The following HS2ST1 variants were observed in gnomAD, a reference collection of about 807,000 sequenced individuals.
The protein encoded by HS2ST1 is heparan sulfate 2-O-sulfotransferase 1.
Under a neutral mutation model 42.9 loss-of-function variants are expected in HS2ST1, and 18 were observed. The observed-to-expected ratio is 0.42, with a 90% CI of 0.29 to 0.62. The LOEUF (loss-of-function observed/expected upper bound fraction) is 0.62, where lower values mean the gene tolerates loss of function less well. HS2ST1 is among the 20% of genes least tolerant of loss of function. HS2ST1 has a pLI of 0.21. For synonymous variants in HS2ST1, 146 were observed against 152.9 expected (o/e 0.95, Z 0.33); for missense variants, 334 against 433.8 (o/e 0.77, Z 2.04).
intron 1 of HS2ST1, among the ~76,000 whole-genome samples, chr1:86,954,040 TAAAAAAAAAAA>T (rs367757359): frequency 0.027 from 1,804 of 67,444 alleles, 67 homozygotes; most frequent in African/African-American, 0.087. Flanking sequence ...CTGTTTTTTT[TAAAAAAAAAAA>T]AAAAAAAAAA....
chr1:87,016,340 A>G (rs1430231201), intron 1 of HS2ST1, among the ~76,000 whole-genome samples: 1 of 152,064 alleles, frequency 6.6e-6, no homozygotes, highest in African/African-American at 2.4e-5. Flanking sequence ...CCCATTAGAA[A>G]CCTGGATGGG....
intron 3 of HS2ST1, among the ~76,000 whole-genome samples, chr1:87,085,818 TCTTATA>T (rs754065785): frequency 1.3e-4 from 20 of 152,244 alleles, no homozygotes; most frequent in East Asian, 5.8e-4. Flanking sequence ...TTTGGCAAAG[TCTTATA>T]CTTAGAACAA....
intron 1 of HS2ST1, among the ~76,000 whole-genome samples, chr1:86,941,285 T>C (rs1660757615): frequency 6.6e-6 from 1 of 152,130 alleles, no homozygotes; most frequent in African/African-American, 2.4e-5. Context: ...ATAAATTATA[T>C]AATATTCCTC....
At chr1:87,103,753 G>T (rs1235573029) in intron 6 of HS2ST1, among the ~76,000 whole-genome samples, 164 bp downstream of exon 6, 24 of 152,164 alleles carry the variant, frequency 1.6e-4, no homozygotes, top group Admixed American at 1.6e-3. Context: ...TTGAGTAACT[G>T]TGAATTAGGT....
At chr1:86,970,235 G>C (rs1365348871) in intron 1 of HS2ST1, among the ~76,000 whole-genome samples, 1 of 151,794 alleles carries the variant, frequency 6.6e-6, no homozygotes, top group Non-Finnish European at 1.5e-5. Flanking sequence ...CATTTTACAA[G>C]TAATAATGTA....
intron 1 of HS2ST1, among the ~76,000 whole-genome samples, chr1:86,995,406 A>G (rs549988213): frequency 6.6e-5 from 10 of 152,302 alleles, no homozygotes; most frequent in Middle Eastern, 3.4e-3. Flanking sequence ...GATATTAGAA[A>G]ACTCTTAAAA....
At chr1:87,031,821 A>C (rs1302063264) in intron 1 of HS2ST1, among the ~76,000 whole-genome samples, 2 of 152,206 alleles carry the variant, frequency 1.3e-5, no homozygotes, top group Non-Finnish European at 2.9e-5. Flanking sequence ...AGATAATGGA[A>C]ATGGAAGAAT....
chr1:87,040,704 T>C (rs1454786705), intron 1 of HS2ST1, among the ~76,000 whole-genome samples: 1 of 152,096 alleles, frequency 6.6e-6, no homozygotes, highest in Non-Finnish European at 1.5e-5. Context: ...TTTCTGTAAT[T>C]AGGCACATAG....
intron 1 of HS2ST1, among the ~76,000 whole-genome samples, chr1:86,983,388 C>G (rs1648656373): frequency 6.6e-6 from 1 of 152,096 alleles, no homozygotes; most frequent in Admixed American, 6.5e-5. Context: ...GAAAACAAGG[C>G]ATGTCTTACA....
intron 1 of HS2ST1, among the ~76,000 whole-genome samples, chr1:87,059,334 G>C (rs113505356): frequency 0.015 from 2,287 of 152,264 alleles, 61 homozygotes; most frequent in African/African-American, 0.052. Flanking sequence ...TTTTAAGGCT[G>C]AACTTACTCA....
intron 1 of HS2ST1, among the ~76,000 whole-genome samples, chr1:86,956,834 C>T (rs1647691364): frequency 6.6e-6 from 1 of 152,196 alleles, no homozygotes; most frequent in South Asian, 2.1e-4. Context: ...TTTCTCTTTA[C>T]ACTTTGAGTA....
At chr1:86,951,043 A>G (rs1647498040) in intron 1 of HS2ST1, among the ~76,000 whole-genome samples, 1 of 152,214 alleles carries the variant, frequency 6.6e-6, no homozygotes, top group Non-Finnish European at 1.5e-5. Context: ...TAAGGCAAGG[A>G]AACACATAAG....
intron 1 of HS2ST1, among the ~76,000 whole-genome samples, chr1:86,941,312 T>C (rs983289222): frequency 6.6e-6 from 1 of 152,042 alleles, no homozygotes; most frequent in Non-Finnish European, 1.5e-5. Flanking sequence ...TCTCCTCCTT[T>C]GACCAAAATC....
At chr1:87,057,872 A>G (rs750149265) in intron 1 of HS2ST1, among the ~76,000 whole-genome samples, 20 of 151,508 alleles carry the variant, frequency 1.3e-4, no homozygotes, top group Non-Finnish European at 2.8e-4. Context: ...AAGAGAGAGA[A>G]AAAAAACTGT....
At chr1:87,076,104 A>G (rs1570532182) in intron 2 of HS2ST1, among the ~76,000 whole-genome samples, 1 of 135,326 alleles carries the variant, frequency 7.4e-6, no homozygotes, top group African/African-American at 3.5e-5. Flanking sequence ...GTTCCCTACC[A>G]AAATGTTTGA....
chr1:87,006,055 T>C (rs979110723), intron 1 of HS2ST1, among the ~76,000 whole-genome samples: 6 of 152,054 alleles, frequency 3.9e-5, no homozygotes, highest in African/African-American at 1.2e-4. Context: ...AATTCTTGTC[T>C]AATCTGTTAT....
At position 87,105,999 on chromosome 1, in the gene HS2ST1, A is replaced by C. The variant is rs1253680566; in HGVS notation, c.*1303A>C. The C allele has an allele frequency of 6.5e-6, 1 of 152,676 alleles. No homozygotes were observed. The highest frequency in any genetic ancestry group is 2.4e-5 in the African/African-American group (1 of 41,424). The allele number at this position is 152,676 out of a possible 1,614,324, so 9.5% of individuals were successfully genotyped here. A position where few individuals can be genotyped will look rare whatever the true frequency, so the allele number is the denominator to read the frequency against. On this transcript the variant is annotated 3_prime_UTR_variant, in exon 7 of 7. Coordinates refer to ENST00000370550, the MANE Select transcript of HS2ST1 (RefSeq NM_012262.4). The stretch of plus-strand genomic sequence containing the variant: ...AATTTCCTCATCTTGAAATGAGGAT[A>C]ATAATACCTGCTGTACCTACCTCAC...
At chr1:86,972,149 T>A (rs1322469505) in intron 1 of HS2ST1, among the ~76,000 whole-genome samples, 3 of 152,166 alleles carry the variant, frequency 2.0e-5, no homozygotes, top group Non-Finnish European at 4.4e-5. Flanking sequence ...TTCAGAAAAA[T>A]TTTTAAGGAC....
At chr1:87,041,677 G>T (rs939684566) in intron 1 of HS2ST1, among the ~76,000 whole-genome samples, 2 of 152,088 alleles carry the variant, frequency 1.3e-5, no homozygotes, top group Non-Finnish European at 2.9e-5. Context: ...ATCAGTGGAG[G>T]CATGCAGTAT....
Sources: gnomAD v4.1 joint callset for allele counts (sites outside exome capture counted in the v4.1 genomes callset) on GRCh38, gnomAD v4.1.1 for gene constraint, MANE v1.5 for transcripts, NCBI Gene and HGNC (gene_info 2026-07-23, HGNC 2026-07-21) for gene names.